The following FBN2 variants were observed in gnomAD, a reference collection of about 807,000 sequenced individuals.
FBN2 encodes fibrillin 2.
FBN2 carries 105 observed loss-of-function variants against 355.6 expected under a neutral mutation model. That is an observed-to-expected ratio of 0.30 (90% confidence interval 0.25 to 0.35). The LOEUF (loss-of-function observed/expected upper bound fraction) is 0.35. Ranked by LOEUF, FBN2 falls within the 10% of genes least tolerant of loss-of-function variation. FBN2 has a pLI of 1.00. For missense variants in FBN2, 3,280 were observed against 3,758.7 expected (o/e 0.87, Z 3.33); for synonymous variants, 1,350 against 1,301.2 (o/e 1.04, Z -0.81).
intron 21 of FBN2, among the ~76,000 whole-genome samples, chr5:128,350,507 C>A (rs182937146): frequency 1.3e-5 from 2 of 152,248 alleles, no homozygotes; most frequent in Non-Finnish European, 1.5e-5. Flanking sequence ...GCTGAGGTCA[C>A]GCCACTGCAC....
chr5:128,396,874 G>T (rs1752663493), intron 8 of FBN2, among the ~76,000 whole-genome samples: 1 of 152,192 alleles, frequency 6.6e-6, no homozygotes, highest in Non-Finnish European at 1.5e-5. Context: ...TAATGAAGAT[G>T]AAACTGTTAA....
At chr5:128,270,894 T>C (rs1033550219) in intron 62 of FBN2, among the ~76,000 whole-genome samples, 1 of 152,220 alleles carries the variant, frequency 6.6e-6, no homozygotes, top group Non-Finnish European at 1.5e-5. Context: ...TATAAAGTTA[T>C]TTTGAATAAC....
At chr5:128,479,976 CTATATATATATATATATATATA>C (rs200921131) in intron 5 of FBN2, among the ~76,000 whole-genome samples, 504 of 29,004 alleles carry the variant, frequency 0.017, 7 homozygotes, top group Admixed American at 0.029. Context: ...CTCTCTCTCT[CTATATATATATATATATATATA>C]TATATATATA....
chr5:128,265,051 A>T (rs34131669), intron 62 of FBN2, among the ~76,000 whole-genome samples: 3,983 of 152,320 alleles, frequency 0.026, 172 homozygotes, highest in African/African-American at 0.09. Flanking sequence ...ATATGTGAAA[A>T]TTCTTAGCCT....
chr5:128,291,883 C>G (rs1020834764), intron 48 of FBN2, among the ~76,000 whole-genome samples: 5 of 152,130 alleles, frequency 3.3e-5, no homozygotes, highest in African/African-American at 1.2e-4. Context: ...TGTCTTTGAT[C>G]TTTAGGGGTG....
intron 34 of FBN2, among the ~76,000 whole-genome samples, chr5:128,320,754 A>G (rs568015969): frequency 5.3e-5 from 8 of 152,234 alleles, no homozygotes; most frequent in Non-Finnish European, 1.0e-4. Context: ...GTGAAGCTAA[A>G]ACAATTTGTA....
At chr5:128,424,054 C>A (rs564925461) in intron 7 of FBN2, among the ~76,000 whole-genome samples, 1 of 152,102 alleles carries the variant, frequency 6.6e-6, no homozygotes, top group East Asian at 1.9e-4. Context: ...ATAAGGTATA[C>A]GTGGGGTGGG....
chr5:128,500,427 A>ATTTTTTT (rs1312943529), intron 5 of FBN2, among the ~76,000 whole-genome samples: 5 of 107,512 alleles, frequency 4.7e-5, no homozygotes, highest in African/African-American at 8.1e-5. Flanking sequence ...GACTCTGACA[A>ATTTTTTT]TTCTTTTTTT....
chr5:128,391,172 T>C (rs948400251), intron 11 of FBN2, among the ~76,000 whole-genome samples: 8 of 152,200 alleles, frequency 5.3e-5, no homozygotes, highest in Admixed American at 1.3e-4. Flanking sequence ...GAATTACTCC[T>C]TGTAAGTTTT....
At chr5:128,495,194 C>T (rs1289724497) in intron 5 of FBN2, among the ~76,000 whole-genome samples, 5 of 127,154 alleles carry the variant, frequency 3.9e-5, no homozygotes. Context: ...GATTGGAACT[C>T]GCAAAAGAAA....
chr5:128,393,359 C>A lies in FBN2; in HGVS notation c.1241G>T (p.Arg414Leu), dbSNP rs199868637. The change falls in exon 10 of 65, where the codon CGC becomes CTC. Residue 414 changes from arginine to leucine, a missense_variant. Arg to Leu is a moderately radical substitution (Grantham distance 102). Transcript: ENST00000262464. Reference sequence around the variant, plus strand: ...TGGAAGTCCATCCATGCAAAGTCTGCGATATTCCTCTAGAAGAAAAGAAAG... The same window carrying A: ...TGGAAGTCCATCCATGCAAAGTCTGAGATATTCCTCTAGAAGAAAAGAAAG... ...ACPVRGSEEYRRLCMDGLPMG... is the reference protein window; with the variant it reads ...ACPVRGSEEYLRLCMDGLPMG... The A allele has an allele frequency of 6.8e-6, 11 of 1,613,780 alleles. No individual in the cohort carries two copies. Among genetic ancestry groups the A allele is most frequent in the Non-Finnish European group, 9.3e-6 (11 of 1,179,778 alleles).
At chr5:128,412,801 C>T (rs1753105745) in intron 7 of FBN2, among the ~76,000 whole-genome samples, 1 of 152,142 alleles carries the variant, frequency 6.6e-6, no homozygotes, top group Non-Finnish European at 1.5e-5. Flanking sequence ...TTACATAAGC[C>T]TATCAATATT....
In FBN2 at chr5:128,359,899, A is replaced by G. The variant is rs887348387; in HGVS notation, c.2554+1824T>C. Among the ~76,000 whole-genome samples the G allele has an allele frequency of 5.3e-5, 8 of 152,200 alleles. No homozygotes were observed. In the East Asian group the frequency reaches 9.6e-4, roughly 18 times the overall value. ...CTCTGTTACTTGTCTATAAATAATC[A>G]TTGATAATTCAGTGTACATAGCAAA... On this transcript the variant is annotated intron_variant, in intron 19 of 64. Coordinates refer to ENST00000262464, the MANE Select transcript of FBN2 (RefSeq NM_001999.4).
At chr5:128,328,527 A>G in intron 34 of FBN2, 169 bp downstream of exon 34, 1 of 751,120 alleles carries the variant, frequency 1.3e-6, no homozygotes, top group Non-Finnish European at 2.3e-6. Flanking sequence ...GAAAGCCGCC[A>G]TCATCATTAT....
intron 35 of FBN2, 42 bp from the exon 36 acceptor site, chr5:128,318,313 T>G: frequency 6.2e-7 from 1 of 1,611,674 alleles, no homozygotes; most frequent in South Asian, 1.1e-5. Flanking sequence ...CATTTTTACT[T>G]TTTCTGTGCA....
At chr5:128,459,198 T>C (rs1173683624) in intron 6 of FBN2, among the ~76,000 whole-genome samples, 1 of 152,002 alleles carries the variant, frequency 6.6e-6, no homozygotes, top group Non-Finnish European at 1.5e-5. Context: ...ACTAGAAATC[T>C]AGTAGAAATG....
intron 33 of FBN2, among the ~76,000 whole-genome samples, chr5:128,330,225 C>G (rs1205250355): frequency 6.6e-6 from 1 of 152,150 alleles, no homozygotes; most frequent in Non-Finnish European, 1.5e-5. Context: ...CTTACAGTTA[C>G]AGGCAAAAAA....
chr5:128,522,778 C>T (rs1277185557), intron 4 of FBN2, among the ~76,000 whole-genome samples: 1 of 152,118 alleles, frequency 6.6e-6, no homozygotes, highest in Non-Finnish European at 1.5e-5. Flanking sequence ...GAAACAGCAA[C>T]TTATATTTCA....
chr5:128,280,281 T>G lies in FBN2; in HGVS notation c.7049A>C (p.Glu2350Ala). Residue 2350 changes from glutamate (E) to alanine (A), a missense_variant, in exon 56 of 65, where the codon GAA becomes GCA. By Grantham distance (107) the Glu-to-Ala change is moderately radical (BLOSUM62 -1). Coordinates refer to ENST00000262464, the MANE Select transcript of FBN2 (RefSeq NM_001999.4). The part of the protein sequence containing the change: ...NECRTKPGIC[E>A]NGRCVNIIGS... ...AATAATGTTAACACAACGTCCATTT[T>G]CACAGATTCCTGGCTTGGTCCTGCA... 6.2e-7 allele frequency: 1 copy of G among 1,611,996 alleles called. No individual in the cohort carries two copies.
Sources: gnomAD v4.1 joint callset for allele counts (sites outside exome capture counted in the v4.1 genomes callset) on GRCh38, gnomAD v4.1.1 for gene constraint, MANE v1.5 for transcripts, NCBI Gene and HGNC (gene_info 2026-07-23, HGNC 2026-07-21) for gene names.